The following CDC42SE2 variants were observed in gnomAD, a reference collection of about 807,000 sequenced individuals.
CDC42SE2 encodes CDC42 small effector protein 2.
CDC42SE2 carries 3 observed loss-of-function variants against 11.5 expected under a neutral mutation model. The observed-to-expected ratio is 0.26, with a 90% CI of 0.12 to 0.67. The LOEUF (loss-of-function observed/expected upper bound fraction) is 0.67, where lower values mean the gene tolerates loss of function less well. Among genes scored for constraint, CDC42SE2 ranks in the 30% least tolerant of loss-of-function variants. CDC42SE2 has a pLI of 0.80. For missense variants in CDC42SE2, 82 were observed against 106.8 expected (o/e 0.77, Z 1.02); for synonymous variants, 33 against 34.8 (o/e 0.95, Z 0.18).
chr5:131,335,601 T>C (rs1339604253), intron 2 of CDC42SE2, among the ~76,000 whole-genome samples: 1 of 152,216 alleles, frequency 6.6e-6, no homozygotes, highest in Non-Finnish European at 1.5e-5. Flanking sequence ...TGTGGGAATC[T>C]AAGTCTCTTT....
intron 2 of CDC42SE2, among the ~76,000 whole-genome samples, chr5:131,337,728 A>T (rs112079694): frequency 6.6e-6 from 1 of 152,182 alleles, no homozygotes; most frequent in Admixed American, 6.5e-5. Context: ...CTGCTGTGCT[A>T]GCAATGAGCG....
At chr5:131,344,890 C>T (rs1183457202) in intron 2 of CDC42SE2, among the ~76,000 whole-genome samples, 2 of 152,004 alleles carry the variant, frequency 1.3e-5, no homozygotes, top group Non-Finnish European at 2.9e-5. Flanking sequence ...GGCAAACGAT[C>T]TGGAGTGGAC....
chr5:131,276,094 A>G (rs1228078136), intron 1 of CDC42SE2, among the ~76,000 whole-genome samples: 1 of 151,954 alleles, frequency 6.6e-6, no homozygotes, highest in African/African-American at 2.4e-5. Flanking sequence ...CATTATGTCA[A>G]GACAAGATTT....
At chr5:131,290,667 A>G (rs1358219858) in intron 1 of CDC42SE2, among the ~76,000 whole-genome samples, 1 of 150,666 alleles carries the variant, frequency 6.6e-6, no homozygotes. Context: ...TTTAGTAGAG[A>G]CGGGATTTGG....
At chr5:131,240,060 A>G in the CDC42SE2 span, among the ~76,000 whole-genome samples, 1 of 152,222 alleles carries the variant, frequency 6.6e-6, no homozygotes, top group African/African-American at 2.4e-5. Flanking sequence ...CTATCTTAGT[A>G]TCAGTTCATA....
At chr5:131,363,995 C>T (rs1749785252) in intron 3 of CDC42SE2, among the ~76,000 whole-genome samples, 1 of 152,154 alleles carries the variant, frequency 6.6e-6, no homozygotes, top group African/African-American at 2.4e-5. Context: ...CACACCTGGC[C>T]TTGGAATGTG....
chr5:131,360,071 A>G (rs1749664783), intron 3 of CDC42SE2, among the ~76,000 whole-genome samples: 1 of 152,146 alleles, frequency 6.6e-6, no homozygotes. Context: ...TGTGCCCTCT[A>G]ATATATGCAC....
intron 1 of CDC42SE2, among the ~76,000 whole-genome samples, chr5:131,308,762 A>G (rs1369802392): frequency 2.6e-5 from 4 of 151,034 alleles, no homozygotes; most frequent in Admixed American, 6.6e-5. Context: ...TTGTTGGTGT[A>G]TAAGAATGCT....
chr5:131,367,975 C>T (rs546670673), intron 3 of CDC42SE2, among the ~76,000 whole-genome samples: 16 of 152,230 alleles, frequency 1.1e-4, no homozygotes, highest in Admixed American at 7.8e-4. Flanking sequence ...CTTTCCTGGA[C>T]AGGCACGGTG....
the CDC42SE2 span, among the ~76,000 whole-genome samples, chr5:131,216,083 A>G: frequency 1.3e-5 from 2 of 152,256 alleles, no homozygotes; most frequent in African/African-American, 4.8e-5. Context: ...ACATTTTCAG[A>G]GGAGGAAAAT....
chr5:131,366,004 C>CT, intron 3 of CDC42SE2, among the ~76,000 whole-genome samples: 1 of 152,096 alleles, frequency 6.6e-6, no homozygotes, highest in South Asian at 2.1e-4. Flanking sequence ...GAATATTAGC[C>CT]TTATCAGTTG....
At chr5:131,247,582 G>A (rs1477133750) in intron 1 of CDC42SE2, among the ~76,000 whole-genome samples, 2 of 151,816 alleles carry the variant, frequency 1.3e-5, no homozygotes, top group Non-Finnish European at 2.9e-5. Flanking sequence ...ATGCACCACC[G>A]CACTCCACCC....
chr5:131,324,187 A>C (rs965838248), intron 2 of CDC42SE2, among the ~76,000 whole-genome samples: 6 of 152,190 alleles, frequency 3.9e-5, no homozygotes, highest in African/African-American at 1.4e-4. Flanking sequence ...ACATCACTGT[A>C]TGAATATCCA....
chr5:131,389,829 C>T (rs7704697), intron 4 of CDC42SE2, among the ~76,000 whole-genome samples: 1 of 152,142 alleles, frequency 6.6e-6, no homozygotes, highest in South Asian at 2.1e-4. Context: ...TGCTAGTGCT[C>T]TCTCTCCACT....
chr5:131,260,265 G>A (rs927481062), upstream of CDC42SE2, among the ~76,000 whole-genome samples: 1 of 152,140 alleles, frequency 6.6e-6, no homozygotes, highest in African/African-American at 2.4e-5. Flanking sequence ...CTCTGACTCC[G>A]TACACCATGT....
At chr5:131,301,950 T>C (rs2149716624) in intron 1 of CDC42SE2, among the ~76,000 whole-genome samples, 1 of 152,238 alleles carries the variant, frequency 6.6e-6, no homozygotes, top group South Asian at 2.1e-4. Flanking sequence ...AGAGCCAGAT[T>C]TCAAACCCTG....
At chr5:131,272,167 T>C (rs867008777) in intron 1 of CDC42SE2, among the ~76,000 whole-genome samples, 9 of 151,896 alleles carry the variant, frequency 5.9e-5, no homozygotes, top group South Asian at 2.1e-4. Flanking sequence ...CCCATCACCA[T>C]GCCCGGCTGA....
At chr5:131,355,357 G>C (rs1422110122) in intron 2 of CDC42SE2, among the ~76,000 whole-genome samples, 6 of 152,002 alleles carry the variant, frequency 3.9e-5, no homozygotes, top group Non-Finnish European at 1.5e-5. Context: ...TGTACCTGTA[G>C]TCCCAGCTAC....
At chr5:131,366,388 C>T (rs1749857779) in intron 3 of CDC42SE2, among the ~76,000 whole-genome samples, 2 of 152,052 alleles carry the variant, frequency 1.3e-5, no homozygotes, top group African/African-American at 2.4e-5. Context: ...TAGCATTCGG[C>T]GTGAGTTCAA....
Sources: allele counts gnomAD v4.1 joint callset (sites outside exome capture counted in the v4.1 genomes callset), GRCh38; gene constraint gnomAD v4.1.1; transcripts MANE v1.5; gene names NCBI Gene and HGNC (gene_info 2026-07-23, HGNC 2026-07-21).